The following MTMR1 variants were observed in gnomAD, a reference collection of about 807,000 sequenced individuals.
The protein encoded by MTMR1 is myotubularin related protein 1.
A neutral mutation model predicts 51.6 loss-of-function variants in MTMR1; 17 were observed. That is an observed-to-expected ratio of 0.33 (90% CI 0.23 to 0.49). MTMR1 has a LOEUF of 0.49. Among genes scored for constraint, MTMR1 ranks in the 20% least tolerant of loss-of-function variants. MTMR1 has a pLI of 0.99. For missense variants in MTMR1, 386 were observed against 526.9 expected (o/e 0.73, Z 2.62); for synonymous variants, 201 against 205.6 (o/e 0.98, Z 0.19).
chrX:150,714,661 A>G (rs1486866191), intron 3 of MTMR1: 7 of 351,541 alleles, frequency 2.0e-5, no homozygotes, highest in African/African-American at 2.0e-4. Flanking sequence ...CCTCCTGTCC[A>G]AATTTGGTAG....
chrX:150,757,050 A>G (rs1251415626), intron 15 of MTMR1, among the ~76,000 whole-genome samples: 3 of 112,367 alleles, frequency 2.7e-5, no homozygotes, highest in Admixed American at 9.3e-5. Context: ...CTGTCAGCCA[A>G]TGATACAGAA....
intron 2 of MTMR1, among the ~76,000 whole-genome samples, chrX:150,701,983 A>G (rs781795557): frequency 4.5e-5 from 5 of 111,942 alleles, no homozygotes; most frequent in South Asian, 3.7e-4. Flanking sequence ...AACTCAAGTC[A>G]TCCTATTGAA....
intron 6 of MTMR1, among the ~76,000 whole-genome samples, chrX:150,729,395 T>TG (rs2042046134): frequency 8.9e-6 from 1 of 112,189 alleles, no homozygotes. Flanking sequence ...GCAGGCATCC[T>TG]GGGGCTCTTT....
intron 12 of MTMR1, among the ~76,000 whole-genome samples, chrX:150,739,065 G>A (rs948970241): frequency 1.8e-5 from 2 of 112,302 alleles, no homozygotes; most frequent in Non-Finnish European, 3.8e-5. Context: ...GATGGGTAGT[G>A]CAAGGATTTC....
chrX:150,737,150 C>A, intron 11 of MTMR1, 92 bp from the exon 12 acceptor site: 1 of 892,324 alleles, frequency 1.1e-6, no homozygotes, highest in Admixed American at 2.7e-5. Context: ...TTGACCAGAA[C>A]TTCCAAAGCT....
chrX:150,742,178 A>G (rs2042441320), intron 12 of MTMR1, among the ~76,000 whole-genome samples: 1 of 112,296 alleles, frequency 8.9e-6, no homozygotes, highest in African/African-American at 3.2e-5. Context: ...TGTGGACATC[A>G]TAGAATGTAC....
chrX:150,752,158 T>C (rs2042762642), intron 14 of MTMR1, among the ~76,000 whole-genome samples: 1 of 110,706 alleles, frequency 9.0e-6, no homozygotes, highest in South Asian at 3.8e-4. Flanking sequence ...CCTCAGGTGA[T>C]CTGCCCGTCT....
chrX:150,696,955 A>G (rs1370783200), intron 1 of MTMR1, among the ~76,000 whole-genome samples: 1 of 111,655 alleles, frequency 9.0e-6, no homozygotes, highest in Non-Finnish European at 1.9e-5. Flanking sequence ...GTTGTGGGGA[A>G]GGGCAGTTCC....
Position 150,712,340 on chromosome X carries a change from A to T in MTMR1, c.253-2A>T, listed in dbSNP as rs2041342298. On this transcript the variant is annotated splice_acceptor_variant, in intron 2 of 15. Transcript: ENST00000445323. LOFTEE classifies it high-confidence loss of function. The stretch of plus-strand genomic sequence containing the variant: ...GATGATATTCTGTATTTTAACTAAC[A>T]GGTTTTCAGGAGGCCTGATCTAAGG... The T allele has an allele frequency of 1.7e-6, 2 of 1,162,590 alleles. No homozygotes were observed. The highest frequency in any genetic ancestry group is 2.3e-6 in the Non-Finnish European group (2 of 870,840).
chrX:150,762,882 C>A lies in MTMR1; in HGVS notation c.*153C>A, dbSNP rs1456408411. ...AGGTGACAGCTCCCACTGTTGGCAA[C>A]CGTTACCCTCCTGTCAGCGGTTTCA... On this transcript the variant is annotated 3_prime_UTR_variant, in exon 16 of 16. Coordinates refer to ENST00000445323, the MANE Select transcript of MTMR1 (RefSeq NM_001306144.3). 1.6e-6 allele frequency: 1 copy of A among 612,501 alleles called. No homozygotes were observed. The allele number at this position is 612,501 out of a possible 1,213,427, so 50.5% of individuals were successfully genotyped here.
At position 150,764,868 on chromosome X, in the gene MTMR1, T is replaced by C. The variant is rs7134; in HGVS notation, c.*2139T>C. On this transcript the variant is annotated 3_prime_UTR_variant, in exon 16 of 16. Transcript: ENST00000445323. ...TTTAAAAACTGGTACAGTATTGTAT[T>C]TGTCTCATCTGTTGCACTGTATTTC... 0.36 allele frequency: 39,665 copies of C among 111,602 alleles called. 6,292 individuals are homozygous for C. Among genetic ancestry groups the C allele is most frequent in the East Asian group, 0.73 (2,561 of 3,506 alleles). The allele number at this position is 111,602 out of a possible 1,213,427, so 9.2% of individuals were successfully genotyped here.
chrX:150,753,196 C>T (rs1557417650), intron 14 of MTMR1, among the ~76,000 whole-genome samples: 1 of 112,235 alleles, frequency 8.9e-6, no homozygotes, highest in African/African-American at 3.2e-5. Context: ...AGCAATATTC[C>T]GTTATATGGA....
intron 4 of MTMR1, among the ~76,000 whole-genome samples, chrX:150,726,230 C>G (rs1285634257): frequency 3.6e-5 from 4 of 111,650 alleles, no homozygotes; most frequent in Non-Finnish European, 5.6e-5. Flanking sequence ...TTGTATGTTC[C>G]TTATGAGGGT....
chrX:150,737,225 G>A lies in MTMR1; in HGVS notation c.1267-17G>A. On this transcript the variant is annotated splice_polypyrimidine_tract_variant and intron_variant, in intron 11 of 15. Transcript: ENST00000445323. ...AATTCAATGTAGCCTGGTCTAATGT[G>A]CCTTTTTTTTCTGAAGATGCTGCTT... 1 of 1,194,251 alleles carries A rather than the reference G, an allele frequency of 8.4e-7. No individual in the cohort carries two copies. Among genetic ancestry groups the A allele is most frequent in the Non-Finnish European group, 1.1e-6 (1 of 879,845 alleles).
At chrX:150,741,656 C>A (rs1048898979) in intron 12 of MTMR1, among the ~76,000 whole-genome samples, 1 of 112,684 alleles carries the variant, frequency 8.9e-6, no homozygotes, top group Non-Finnish European at 1.9e-5. Flanking sequence ...CTCCTAGGGG[C>A]CTAGCCAAGG....
At chrX:150,735,270 G>A (rs1167878221) in intron 10 of MTMR1, 30 of 326,480 alleles carry the variant, frequency 9.2e-5, no homozygotes, top group Non-Finnish European at 3.7e-5. Flanking sequence ...CCCCCAGTTT[G>A]TGATAGCACC....
At chrX:150,714,216 G>C (rs954346859) in intron 3 of MTMR1, among the ~76,000 whole-genome samples, 5 of 111,393 alleles carry the variant, frequency 4.5e-5, no homozygotes, top group Non-Finnish European at 9.4e-5. Context: ...CATGATGTTT[G>C]TTTGCTTTTC....
chrX:150,704,347 A>T lies in MTMR1; in HGVS notation c.252+5047A>T, dbSNP rs191725501. On this transcript the variant is annotated intron_variant, in intron 2 of 15. Coordinates refer to ENST00000445323, the MANE Select transcript of MTMR1 (RefSeq NM_001306144.3). ...CTACTCCAGCCAAACACCACAGAAA[A>T]AAATTATGACCCCACACCCACCCCA... is the stretch of plus-strand genomic sequence containing the variant. Among the ~76,000 whole-genome samples, 605 of 111,698 alleles carry T rather than the reference A, an allele frequency of 5.4e-3. 4 individuals are homozygous for T. The highest frequency in any genetic ancestry group is 0.019 in the African/African-American group (585 of 30,670).
intron 4 of MTMR1, among the ~76,000 whole-genome samples, chrX:150,722,204 A>T (rs2041773304): frequency 8.9e-6 from 1 of 112,069 alleles, no homozygotes; most frequent in Non-Finnish European, 1.9e-5. Context: ...TGCAGTTGAA[A>T]AGAATGTGTT....
Sources: gnomAD v4.1 joint callset for allele counts (sites outside exome capture counted in the v4.1 genomes callset) on GRCh38, gnomAD v4.1.1 for gene constraint, MANE v1.5 for transcripts, NCBI Gene and HGNC (gene_info 2026-07-23, HGNC 2026-07-21) for gene names.